ANXA2: variants seen among roughly 807,000 people sequenced by gnomAD.
ANXA2 encodes annexin A2, also known as annexin II.
Under a neutral mutation model 47.3 loss-of-function variants are expected in ANXA2, and 28 were observed. The observed-to-expected ratio is 0.59, with a 90% CI of 0.44 to 0.81. The LOEUF (loss-of-function observed/expected upper bound fraction) is 0.81, where lower values mean the gene tolerates loss of function less well. ANXA2 is among the 40% of genes least tolerant of loss of function. The pLI, the probability that ANXA2 is intolerant of heterozygous loss-of-function variation, is 0.00. For synonymous variants in ANXA2, 172 were observed against 155.5 expected, an observed-to-expected ratio of 1.11 and a Z score of -0.79; for missense variants, 384 against 414.3, an observed-to-expected ratio of 0.93 and a Z score of 0.64.
At chr15:60,387,949 G>A (rs2062955619) in intron 1 of ANXA2, among the ~76,000 whole-genome samples, 1 of 152,136 alleles carries the variant, frequency 6.6e-6, no homozygotes, top group African/African-American at 2.4e-5. Flanking sequence ...CAGCACTGTG[G>A]GAGGCCGAGG....
At position 60,347,351 on chromosome 15, in the gene ANXA2, G is replaced by A. The variant is rs1239641996; in HGVS notation, c.*279C>T. 6.3e-6 allele frequency: 3 copies of A among 473,406 alleles called. No homozygotes were observed. Among genetic ancestry groups the A allele is most frequent in the Non-Finnish European group, 1.1e-5 (3 of 263,496 alleles). 29.3% of individuals were successfully genotyped at this position (473,406 alleles called of 1,614,324 possible). Reference sequence around the variant, plus strand: ...TACGTGTTTCTAAAGTACAAATTCAGTTTATTCATCTGTTTATGACACAGT... The same window carrying A: ...TACGTGTTTCTAAAGTACAAATTCAATTTATTCATCTGTTTATGACACAGT... On this transcript the variant is annotated 3_prime_UTR_variant, in exon 13 of 13. Coordinates refer to ENST00000451270, the MANE Select transcript of ANXA2 (RefSeq NM_004039.3).
intron 4 of ANXA2, among the ~76,000 whole-genome samples, chr15:60,363,901 T>C (rs896496974): frequency 1.3e-5 from 2 of 152,212 alleles, no homozygotes; most frequent in African/African-American, 2.4e-5. Flanking sequence ...AAAGATGAAA[T>C]GAGTTGCTAC....
intron 1 of ANXA2, chr15:60,391,049 T>C (rs2063002628): frequency 6.6e-6 from 1 of 152,312 alleles, no homozygotes; most frequent in African/African-American, 2.4e-5. Flanking sequence ...CTGCACTATA[T>C]TAAAGGATAC....
intron 7 of ANXA2, 97 bp downstream of exon 7, chr15:60,355,822 G>T (rs2062420461): frequency 9.8e-7 from 1 of 1,024,972 alleles, no homozygotes; most frequent in Non-Finnish European, 1.6e-6. Context: ...TCTGATGCAG[G>T]CACAGGGGAT....
chr15:60,392,104 G>A (rs1334791644), intron 1 of ANXA2, among the ~76,000 whole-genome samples: 1 of 152,092 alleles, frequency 6.6e-6, no homozygotes, highest in Non-Finnish European at 1.5e-5. Flanking sequence ...CCTCAAACTG[G>A]TTTAAAATCA....
intron 4 of ANXA2, chr15:60,362,884 T>C (rs2062536566): frequency 6.6e-6 from 1 of 151,868 alleles, no homozygotes; most frequent in African/African-American, 2.4e-5. Context: ...AACCAAGATC[T>C]AGGTTTTGGG....
chr15:60,394,953 T>C (rs16942555), intron 1 of ANXA2, among the ~76,000 whole-genome samples: 6 of 152,014 alleles, frequency 3.9e-5, no homozygotes, highest in Non-Finnish European at 8.8e-5. Context: ...ACAACTAGAA[T>C]AGGGTGTGGC....
rs891352983 is a variant in ANXA2 at position 60,352,699 on chromosome 15, T to G, written c.589-223A>C. Among the ~76,000 whole-genome samples, 1 of 152,184 alleles carries G rather than the reference T, an allele frequency of 6.6e-6. No individual in the cohort carries two copies. Among genetic ancestry groups the G allele is most frequent in the African/African-American group, 2.4e-5 (1 of 41,448 alleles). ...GATACCATATGAGACTGCAGATAGT[T>G]CGTGAGGTCTGCTGTACAATCTCCT... On this transcript the variant is annotated intron_variant, in intron 8 of 12. Transcript: ENST00000451270. The surrounding 1 kb of genome is among the most constrained non-coding windows in gnomAD (Gnocchi z 4.2).
chr15:60,385,856 C>T, intron 2 of ANXA2, 172 bp downstream of exon 2: 4 of 526,780 alleles, frequency 7.6e-6, no homozygotes, highest in Non-Finnish European at 1.0e-5. Context: ...ATGATATTTC[C>T]TTCAAATTGA....
At chr15:60,351,461 C>T in intron 10 of ANXA2, 2 of 625,782 alleles carry the variant, frequency 3.2e-6, no homozygotes, top group Admixed American at 2.9e-5. Context: ...CTGAGGCCTG[C>T]AGAACCCAAG....
At chr15:60,374,730 G>T (rs1013344890) in intron 3 of ANXA2, 2 of 456,004 alleles carry the variant, frequency 4.4e-6, no homozygotes, top group Admixed American at 4.7e-5. Context: ...ATCTGTGCTG[G>T]CAGAGTCACA....
At chr15:60,368,551 A>T (rs6494194) in intron 3 of ANXA2, among the ~76,000 whole-genome samples, 133,028 of 151,570 alleles carry the variant, frequency 0.88, 58,526 homozygotes, top group Admixed American at 0.94. Context: ...ATCCACAATA[A>T]AGGTACTGTT....
chr15:60,378,603 A>C (rs1378087853), intron 3 of ANXA2, among the ~76,000 whole-genome samples: 1 of 152,214 alleles, frequency 6.6e-6, no homozygotes, highest in Non-Finnish European at 1.5e-5. Flanking sequence ...TAATGCCAAC[A>C]ATCTAGAAAT....
At chr15:60,355,441 G>A in intron 7 of ANXA2, 1 of 233,030 alleles carries the variant, frequency 4.3e-6, no homozygotes, top group South Asian at 6.0e-5. Context: ...GGATTCACAG[G>A]GGAAATGCCC....
intron 3 of ANXA2, among the ~76,000 whole-genome samples, chr15:60,371,375 A>G (rs1394899260): frequency 6.6e-6 from 1 of 152,208 alleles, no homozygotes; most frequent in African/African-American, 2.4e-5. Flanking sequence ...TTTCAAGCAC[A>G]GAGAATATTT....
intron 3 of ANXA2, among the ~76,000 whole-genome samples, chr15:60,372,277 C>T (rs769912693): frequency 1.9e-4 from 29 of 152,070 alleles, no homozygotes; most frequent in Non-Finnish European, 3.8e-4. Flanking sequence ...CCATTGTCAT[C>T]CCGGTTGTAC....
chr15:60,349,184 C>A lies in ANXA2; in HGVS notation c.851G>T (p.Arg284Leu), dbSNP rs1043897041. The A allele has an allele frequency of 1.2e-6, 2 of 1,613,906 alleles. No individual in the cohort carries two copies. Among genetic ancestry groups the A allele is most frequent in the Non-Finnish European group, 1.7e-6 (2 of 1,179,928 alleles). ...CATGATTCTGATCAGGACCTTATCTCGCGTCCCCTTGCCCTGAAAATCAAG... is the reference window on the plus strand; with the variant it reads ...CATGATTCTGATCAGGACCTTATCTAGCGTCCCCTTGCCCTGAAAATCAAG... ...LYDSMKGKGT[R>L]DKVLIRIMVS... Residue 284 changes from arginine (R) to leucine (L), a missense_variant, in exon 12 of 13, where the codon CGA (arginine) becomes CTA (leucine). Coordinates refer to ENST00000451270, the MANE Select transcript of ANXA2 (RefSeq NM_004039.3).
chr15:60,365,624 A>G (rs561397535), intron 3 of ANXA2, among the ~76,000 whole-genome samples: 2 of 152,372 alleles, frequency 1.3e-5, no homozygotes, highest in South Asian at 4.1e-4. Flanking sequence ...CAGAGGAAGT[A>G]TTTTGAATTC....
chr15:60,347,735 C>T, intron 12 of ANXA2, 46 bp from the exon 13 acceptor site: 2 of 1,532,308 alleles, frequency 1.3e-6, no homozygotes, highest in Non-Finnish European at 1.8e-6. Context: ...CAGAAAAAAG[C>T]CCAGACTCCT....
Sources: gnomAD v4.1 joint callset for allele counts (sites outside exome capture counted in the v4.1 genomes callset) on GRCh38, gnomAD v4.1.1 for gene constraint, Gnocchi (gnomAD v3.1) non-coding constraint, MANE v1.5 for transcripts, NCBI Gene and HGNC (gene_info 2026-07-23, HGNC 2026-07-21) for gene names.